The following ASNS variants were observed in gnomAD, a reference collection of about 807,000 sequenced individuals.
ASNS encodes the protein asparagine synthetase (glutamine-hydrolyzing), also known as asparagine synthetase [glutamine-hydrolyzing].
In ASNS, 37 loss-of-function variants were observed where a neutral mutation model predicts 62.6. The observed-to-expected ratio is 0.59, with a 90% CI of 0.45 to 0.78. The LOEUF (loss-of-function observed/expected upper bound fraction) is 0.78, where lower values mean the gene tolerates loss of function less well. ASNS is among the 30% of genes least tolerant of loss of function. The pLI is 0.00. For missense variants in ASNS, 520 were observed against 682.4 expected, an observed-to-expected ratio of 0.76 and a Z score of 2.65; for synonymous variants, 207 against 237.9, an observed-to-expected ratio of 0.87 and a Z score of 1.19.
upstream of ASNS, among the ~76,000 whole-genome samples, chr7:97,876,436 T>TTA (rs2115806754): frequency 6.6e-6 from 1 of 151,506 alleles, no homozygotes; most frequent in East Asian, 1.9e-4. Context: ...CATATTTTTT[T>TTA]TTTTTTTTTT....
chr7:97,887,209 G>A, the ASNS span, among the ~76,000 whole-genome samples: 10 of 152,182 alleles, frequency 6.6e-5, no homozygotes, highest in Non-Finnish European at 1.0e-4. Flanking sequence ...TGACCAATGT[G>A]GAGTCGGCCG....
chr7:97,883,447 C>G, the ASNS span, among the ~76,000 whole-genome samples: 2 of 148,640 alleles, frequency 1.3e-5, no homozygotes, highest in African/African-American at 4.9e-5. Flanking sequence ...GTGACCAAGT[C>G]ACGTGGGTTT....
the ASNS span, among the ~76,000 whole-genome samples, chr7:97,907,794 G>A: frequency 2.0e-5 from 3 of 148,642 alleles, no homozygotes; most frequent in Admixed American, 6.7e-5. Flanking sequence ...ACAATGAAAT[G>A]TCTGTGGATG....
At chr7:97,877,645 T>A in the ASNS span, among the ~76,000 whole-genome samples, 1 of 152,136 alleles carries the variant, frequency 6.6e-6, no homozygotes, top group East Asian at 1.9e-4. Context: ...ACGAAGGCCC[T>A]CAGCTCCTAG....
At chr7:97,852,787 C>G (rs1275040919) in intron 12 of ASNS, among the ~76,000 whole-genome samples, 4 of 151,780 alleles carry the variant, frequency 2.6e-5, no homozygotes, top group Admixed American at 6.5e-5. Flanking sequence ...AGTCTCCTCT[C>G]TCTCTCGATT....
chr7:97,887,746 G>A, the ASNS span, among the ~76,000 whole-genome samples: 5 of 152,348 alleles, frequency 3.3e-5, no homozygotes, highest in African/African-American at 9.6e-5. Flanking sequence ...TTAAGCCACT[G>A]AGATTTGGAG....
chr7:97,898,904 T>A, the ASNS span: 2 of 1,272,750 alleles, frequency 1.6e-6, no homozygotes, highest in Non-Finnish European at 2.3e-6. Flanking sequence ...ATTCTGCAAG[T>A]CAGCAAGACT....
upstream of ASNS, among the ~76,000 whole-genome samples, chr7:97,874,450 TTAAAG>T (rs1374566810): frequency 6.6e-6 from 1 of 152,202 alleles, no homozygotes; most frequent in Non-Finnish European, 1.5e-5. Context: ...GATTAAGAGA[TTAAAG>T]TAATGACAGG....
the ASNS span, among the ~76,000 whole-genome samples, chr7:97,882,942 A>G: frequency 6.6e-6 from 1 of 152,358 alleles, no homozygotes; most frequent in African/African-American, 2.4e-5. Flanking sequence ...GCACTCCTCA[A>G]CTTTTCCTTC....
upstream of ASNS, among the ~76,000 whole-genome samples, chr7:97,877,269 A>G (rs1792461128): frequency 6.6e-6 from 1 of 151,698 alleles, no homozygotes; most frequent in Non-Finnish European, 1.5e-5. Flanking sequence ...TAATTTTTGT[A>G]TTTTTAGTAG....
At chr7:97,896,217 A>G in the ASNS span, among the ~76,000 whole-genome samples, 3 of 152,032 alleles carry the variant, frequency 2.0e-5, no homozygotes, top group African/African-American at 7.2e-5. Flanking sequence ...ATATGGAACC[A>G]CAGAAGACCC....
chr7:97,861,184 G>A (rs895092523), intron 4 of ASNS, among the ~76,000 whole-genome samples: 10 of 151,966 alleles, frequency 6.6e-5, no homozygotes, highest in African/African-American at 2.4e-4. Flanking sequence ...ACCACGCCCG[G>A]CTAATTTTTA....
the ASNS span, among the ~76,000 whole-genome samples, chr7:97,904,284 TCACA>T: frequency 5.4e-4 from 73 of 135,210 alleles, no homozygotes; most frequent in South Asian, 2.1e-3. Flanking sequence ...ACTACCAGTT[TCACA>T]CACACACACA....
At chr7:97,893,400 C>G in the ASNS span, among the ~76,000 whole-genome samples, 4 of 152,310 alleles carry the variant, frequency 2.6e-5, no homozygotes, top group South Asian at 8.3e-4. Flanking sequence ...ATAATAACTT[C>G]GAATATGGGT....
chr7:97,913,315 T>C, the ASNS span, among the ~76,000 whole-genome samples: 1 of 152,118 alleles, frequency 6.6e-6, no homozygotes, highest in East Asian at 1.9e-4. Flanking sequence ...CTACTACCCA[T>C]CCCAGAAGTC....
At chr7:97,869,491 T>G (rs1271794788) in intron 2 of ASNS, among the ~76,000 whole-genome samples, 1 of 152,204 alleles carries the variant, frequency 6.6e-6, no homozygotes, top group East Asian at 1.9e-4. Context: ...ATGCCACATC[T>G]GTCTCTGCAT....
rs1791201321 is a variant in ASNS, at chr7:97,851,998, G to GT, written c.*260dup. 2.2e-6 allele frequency: 1 copy of GT among 457,744 alleles called. No individual in the cohort carries two copies. The highest frequency in any genetic ancestry group is 4.0e-6 in the Non-Finnish European group (1 of 251,904). 28.4% of individuals were successfully genotyped at this position (457,744 alleles called of 1,614,324 possible). A position where few individuals can be genotyped will look rare whatever the true frequency, so the allele number is the denominator to read the frequency against. On this transcript the variant is annotated 3_prime_UTR_variant, in exon 13 of 13. Transcript: ENST00000394308. ...AAAGCAGCTCTGCCAGGAGAGGGCT[G>GT]TGAGTTCTTGCAGACATCTGATCAT...
chr7:97,920,936 C>G, the ASNS span, among the ~76,000 whole-genome samples: 1 of 151,738 alleles, frequency 6.6e-6, no homozygotes, highest in African/African-American at 2.4e-5. Context: ...CCAAGACAGC[C>G]GGCCTCACTG....
upstream of ASNS, among the ~76,000 whole-genome samples, chr7:97,873,178 C>A (rs1279342798): frequency 6.6e-6 from 1 of 152,234 alleles, no homozygotes; most frequent in Non-Finnish European, 1.5e-5. Context: ...AGGATTTTGT[C>A]AACTTGCCTC....
Sources: gnomAD v4.1 joint callset for allele counts (sites outside exome capture counted in the v4.1 genomes callset) on GRCh38, gnomAD v4.1.1 for gene constraint, MANE v1.5 for transcripts, NCBI Gene and HGNC (gene_info 2026-07-23, HGNC 2026-07-21) for gene names.